PCDH15: variants seen among roughly 807,000 people sequenced by gnomAD.
PCDH15 encodes the protein protocadherin related 15, also known as protocadherin-15.
Under a neutral mutation model 178.5 loss-of-function variants are expected in PCDH15, and 129 were observed. The ratio of observed to expected loss-of-function variants is 0.72; its 90% CI spans 0.63 to 0.84. The LOEUF (loss-of-function observed/expected upper bound fraction) is 0.84, where lower values mean the gene tolerates loss of function less well. Ranked by LOEUF, PCDH15 falls within the 40% of genes least tolerant of loss-of-function variation. The pLI, the probability that PCDH15 is intolerant of heterozygous loss-of-function variation, is 0.00. For synonymous variants in PCDH15, 800 were observed against 732.0 expected (o/e 1.09, Z -1.50); for missense variants, 2,230 against 2,099.9 (o/e 1.06, Z -1.21).
At chr10:54,520,789 C>T (rs1296833821) in intron 3 of PCDH15, among the ~76,000 whole-genome samples, 1 of 150,230 alleles carries the variant, frequency 6.7e-6, no homozygotes, top group Non-Finnish European at 1.5e-5. Context: ...GCATTATTCA[C>T]AATAGCAAAG....
chr10:53,978,396 C>T (rs114638499), intron 21 of PCDH15, among the ~76,000 whole-genome samples: 5,140 of 152,180 alleles, frequency 0.034, 117 homozygotes, highest in East Asian at 0.11. Flanking sequence ...TGAACTGTAC[C>T]TTGGCCCATT....
chr10:54,059,542 C>G (rs2093971682), intron 18 of PCDH15, among the ~76,000 whole-genome samples: 1 of 152,184 alleles, frequency 6.6e-6, no homozygotes, highest in Non-Finnish European at 1.5e-5. Context: ...GTGCATGGCA[C>G]AGGTTAGTAT....
At chr10:55,359,568 A>G (rs1259449113) in intron 2 of PCDH15, among the ~76,000 whole-genome samples, 1 of 151,816 alleles carries the variant, frequency 6.6e-6, no homozygotes, top group Non-Finnish European at 1.5e-5. Context: ...ATGAACCAGA[A>G]ATCCCACAAC....
intron 2 of PCDH15, among the ~76,000 whole-genome samples, chr10:55,022,966 G>A (rs1840374136): frequency 1.3e-5 from 2 of 151,064 alleles, no homozygotes; most frequent in Non-Finnish European, 2.9e-5. Context: ...TTTTGATAAG[G>A]AGTCTTGCTC....
intron 2 of PCDH15, among the ~76,000 whole-genome samples, chr10:54,936,168 C>T (rs1733770): frequency 0.15 from 22,972 of 151,968 alleles, 1,889 homozygotes; most frequent in East Asian, 0.23. Context: ...ACTGGTTTCT[C>T]TCACTTAGTG....
At chr10:55,595,784 C>A (rs922274962) in intron 2 of PCDH15, among the ~76,000 whole-genome samples, 1 of 151,720 alleles carries the variant, frequency 6.6e-6, no homozygotes, top group Non-Finnish European at 1.5e-5. Context: ...TAGTGCTCAG[C>A]CTTATTTGAT....
rs181277053 is a variant in PCDH15, at chr10:55,140,951, T to C, written c.-80+25625A>G. ...GTAGTGATATACTCTTTTTCATTCC[T>C]GATACTGGTAATTTGTGTCCTTTCC... On this transcript the variant is annotated intron_variant, in intron 2 of 5. Coordinates refer to the PCDH15 transcript ENST00000458638. 1.6e-3 allele frequency among the ~76,000 whole-genome samples: 241 copies of C among 152,134 alleles called. 1 individual carries two copies. Among genetic ancestry groups the C allele is most frequent in the African/African-American group, 5.6e-3 (231 of 41,566 alleles).
chr10:54,140,267 A>G (rs535101616), intron 14 of PCDH15, among the ~76,000 whole-genome samples: 13 of 152,210 alleles, frequency 8.5e-5, no homozygotes, highest in Non-Finnish European at 1.8e-4. Flanking sequence ...TATATTTGCT[A>G]TTCTGCATCA....
rs751999687 is a variant in PCDH15, at chr10:53,959,847, T to A, written c.3010-3A>T. ...TCATCAAAAGCAACCACCACCAACT[T>A]AAAAAGCAATAAAAATTCATGTTAA... On this transcript the variant is annotated splice_polypyrimidine_tract_variant and splice_region_variant and intron_variant, in intron 22 of 37. Transcript: ENST00000644397. 2.5e-6 allele frequency: 4 copies of A among 1,602,222 alleles called. No homozygotes were observed. Among genetic ancestry groups the A allele is most frequent in the Non-Finnish European group, 2.6e-6 (3 of 1,169,478 alleles).
chr10:54,253,119 T>G (rs74136104), intron 8 of PCDH15, among the ~76,000 whole-genome samples: 1 of 152,148 alleles, frequency 6.6e-6, no homozygotes, highest in African/African-American at 2.4e-5. Context: ...TAAATTCGAT[T>G]GAGGATTGGG....
At position 55,444,191 on chromosome 10, in the gene PCDH15, G is replaced by A. The variant is rs1839263528; in HGVS notation, c.-156+183434C>T. On this transcript the variant is annotated intron_variant, in intron 2 of 5. Coordinates refer to the PCDH15 transcript ENST00000613346. ...GGAGAAATACCTAATGTAGATGATG[G>A]GTGGATGGGTGCAGCAAACCACCAT... is the stretch of plus-strand genomic sequence containing the variant. 2.0e-5 allele frequency among the ~76,000 whole-genome samples: 3 copies of A among 151,678 alleles called. No homozygotes were observed. In the South Asian group the frequency reaches 6.2e-4, roughly 32 times the overall value.
At chr10:55,529,227 T>A (rs1422378325) in intron 2 of PCDH15, among the ~76,000 whole-genome samples, 24 of 152,144 alleles carry the variant, frequency 1.6e-4, no homozygotes, top group Admixed American at 1.6e-3. Flanking sequence ...AGCTCTTTAG[T>A]TTAATTAGAT....
intron 3 of PCDH15, among the ~76,000 whole-genome samples, chr10:54,383,954 G>A (rs1949591750): frequency 6.6e-6 from 1 of 150,546 alleles, no homozygotes. Flanking sequence ...TAATAGCTGG[G>A]ATTACAGGCA....
intron 2 of PCDH15, among the ~76,000 whole-genome samples, chr10:55,621,367 C>T (rs1176410061): frequency 1.3e-5 from 2 of 152,160 alleles, no homozygotes; most frequent in South Asian, 2.1e-4. Context: ...GAAAACCACA[C>T]TGCCAACAGA....
At chr10:55,298,411 G>A (rs1033875959) in intron 1 of PCDH15, among the ~76,000 whole-genome samples, 3 of 152,168 alleles carry the variant, frequency 2.0e-5, no homozygotes, top group Non-Finnish European at 4.4e-5. Context: ...GTAAGTCCTA[G>A]ATTAAATAGG....
intron 2 of PCDH15, among the ~76,000 whole-genome samples, chr10:55,350,402 C>T (rs1254442606): frequency 1.3e-5 from 2 of 151,206 alleles, no homozygotes; most frequent in Non-Finnish European, 3.0e-5. Flanking sequence ...AGAATAATGA[C>T]TAATTTTCAA....
chr10:54,674,947 C>T (rs1349279935), intron 1 of PCDH15, among the ~76,000 whole-genome samples: 1 of 151,936 alleles, frequency 6.6e-6, no homozygotes, highest in Non-Finnish European at 1.5e-5. Flanking sequence ...AGTTGTCTTA[C>T]TCACAAAGAC....
intron 2 of PCDH15, among the ~76,000 whole-genome samples, chr10:55,341,799 ATATATATTTTTTTTTTTTTTT>A (rs1387109910): frequency 3.5e-4 from 4 of 11,490 alleles, no homozygotes; most frequent in African/African-American, 1.5e-3. Context: ...ATATATATAT[ATATATATTTTTTTTTTTTTTT>A]TTTTTTTTTT....
intron 1 of PCDH15, among the ~76,000 whole-genome samples, chr10:54,686,491 A>G (rs534323120): frequency 9.9e-4 from 151 of 152,200 alleles, no homozygotes; most frequent in Middle Eastern, 3.4e-3. Context: ...CATTGCTGAG[A>G]CGAACATCAT....
Sources: allele counts gnomAD v4.1 joint callset (sites outside exome capture counted in the v4.1 genomes callset), GRCh38; gene constraint gnomAD v4.1.1; transcripts MANE v1.5; gene names NCBI Gene and HGNC (gene_info 2026-07-23, HGNC 2026-07-21).